The following DOCK6 variants were observed in gnomAD, a reference collection of about 807,000 sequenced individuals.
The protein encoded by DOCK6 is dedicator of cytokinesis protein 6.
A neutral mutation model predicts 230.3 loss-of-function variants in DOCK6; 167 were observed. That is an observed-to-expected ratio of 0.73 (90% CI 0.64 to 0.82). The LOEUF (loss-of-function observed/expected upper bound fraction) is 0.82, where lower values mean the gene tolerates loss of function less well. Among genes scored for constraint, DOCK6 ranks in the 40% least tolerant of loss-of-function variants. DOCK6 has a pLI of 0.00. For synonymous variants in DOCK6, 1,148 were observed against 1,185.0 expected (o/e 0.97, Z 0.64); for missense variants, 2,598 against 2,825.8 (o/e 0.92, Z 1.83).
chr19:11,202,649 C>T lies in DOCK6; in HGVS notation c.5296G>A (p.Glu1766Lys). The part of the protein sequence containing the change: ...FYGAHFGDLD[E>K]QEFVYKEPSI... ...GGCTCCTTGTACACAAACTCCTGCT[C>T]ATCCAGGTCACCGAAGTGGGCGCCG... is the stretch of plus-strand genomic sequence containing the variant. The change falls in exon 42 of 48, where the codon GAG becomes AAG. Residue 1766 changes from glutamate (E) to lysine (K), a missense_variant. Glu to Lys is a moderately conservative substitution (Grantham distance 56). Coordinates refer to ENST00000294618, the MANE Select transcript of DOCK6 (RefSeq NM_020812.4). The surrounding 1 kb of genome is among the most constrained non-coding windows in gnomAD (Gnocchi z 5.3). 1 of 1,614,014 alleles carries T rather than the reference C, an allele frequency of 6.2e-7. No homozygotes were observed. The highest frequency in any genetic ancestry group is 8.5e-7 in the Non-Finnish European group (1 of 1,179,894).
At chr19:11,235,050 C>A (rs938626610) in intron 21 of DOCK6, among the ~76,000 whole-genome samples, 6 of 151,712 alleles carry the variant, frequency 4.0e-5, no homozygotes, top group African/African-American at 7.3e-5. Flanking sequence ...TCAAGTGATT[C>A]TTCTGCCTCA....
chr19:11,217,315 G>C lies in DOCK6; in HGVS notation c.3627C>G (p.Thr1209=). The part of the protein sequence containing the change: ...DTEGEGDIAG[T]INPSVAMAIA... ...TGGCCATGGCCACAGAGGGGTTGAT[G>C]GTACCCGCAATGTCCCCTTCGCCTT... is the stretch of plus-strand genomic sequence containing the variant. The change falls in exon 29 of 48, where the codon ACC becomes ACG. Residue 1209 remains threonine, a synonymous_variant. Coordinates refer to ENST00000294618, the MANE Select transcript of DOCK6 (RefSeq NM_020812.4). 6.2e-7 allele frequency: 1 copy of C among 1,613,338 alleles called. No individual in the cohort carries two copies. Among genetic ancestry groups the C allele is most frequent in the Non-Finnish European group, 8.5e-7 (1 of 1,179,740 alleles).
At chr19:11,246,852 C>A (rs796798323) in intron 7 of DOCK6, among the ~76,000 whole-genome samples, 17 of 152,278 alleles carry the variant, frequency 1.1e-4, no homozygotes, top group African/African-American at 3.9e-4. Context: ...TCACCACGCA[C>A]CTCCAAACTG....
At chr19:11,241,387 G>A in intron 14 of DOCK6, 3 of 1,121,624 alleles carry the variant, frequency 2.7e-6, no homozygotes, top group East Asian at 5.2e-5. Context: ...GGGGCAGAGG[G>A]TCAGGGGATG....
Position 11,227,439 on chromosome 19 carries a change from T to C in DOCK6, c.2853A>G (p.Arg951=), listed in dbSNP as rs1457956374. The C allele has an allele frequency of 9.9e-6, 16 of 1,609,198 alleles. No individual in the cohort carries two copies. The highest frequency in any genetic ancestry group is 1.4e-5 in the Non-Finnish European group (16 of 1,178,038). The change falls in exon 24 of 48, where the codon CGA becomes CGG. Residue 951 remains arginine (R), a synonymous_variant. Coordinates refer to ENST00000294618, the MANE Select transcript of DOCK6 (RefSeq NM_020812.4). ...AGCGCAGCTTGCGGGGTGTGTCTAG[T>C]CGCTGGCCAAGCAGCAGGTGCAGCG... is the stretch of plus-strand genomic sequence containing the variant. ...SMALHLLLGQ[R]LDTPRKLRFP...
At position 11,217,056 on chromosome 19, in the gene DOCK6, C is replaced by T. The variant is rs200390354; in HGVS notation, c.3752G>A (p.Arg1251Gln). ...AGCALSAESS[R>Q]TLLACVLWVL... is the part of the protein sequence containing the mutation. The stretch of plus-strand genomic sequence containing the variant: ...CCACAGCACACACGCCAGCAAGGTC[C>T]GGCTTGACTCAGCAGAGAGGGCACA... Residue 1251 changes from arginine (R) to glutamine (Q), a missense_variant, in exon 30 of 48, where the codon CGG becomes CAG. Transcript: ENST00000294618. 681 of 1,613,430 alleles carry T rather than the reference C, an allele frequency of 4.2e-4. 2 individuals are homozygous for T. In the African/African-American group the frequency reaches 7.4e-3, roughly 17 times the overall value.
At chr19:11,242,983 G>A (rs761116845) in intron 13 of DOCK6, 76 bp downstream of exon 13, 16 of 1,545,250 alleles carry the variant, frequency 1.0e-5, no homozygotes, top group Non-Finnish European at 1.4e-5. Flanking sequence ...CCCTGGCACA[G>A]TAGGTGCTCT....
At chr19:11,212,470 G>A (rs2079404794) in intron 35 of DOCK6, among the ~76,000 whole-genome samples, 1 of 151,978 alleles carries the variant, frequency 6.6e-6, no homozygotes. Flanking sequence ...TCGAACTCCT[G>A]AACTCAAGTG....
chr19:11,257,722 G>A (rs937405347), intron 1 of DOCK6, among the ~76,000 whole-genome samples: 1 of 151,938 alleles, frequency 6.6e-6, no homozygotes, highest in African/African-American at 2.4e-5. Context: ...CCGGGAGGTG[G>A]AGGTTGCAGT....
chr19:11,215,188 C>T (rs964745931), intron 32 of DOCK6, among the ~76,000 whole-genome samples, 199 bp downstream of exon 32: 1 of 151,826 alleles, frequency 6.6e-6, no homozygotes, highest in African/African-American at 2.4e-5. Context: ...TGTGATCCGC[C>T]TGCCTCGGCC....
rs565684628 is a variant in DOCK6 at position 11,222,343 on chromosome 19, G to A, written c.3241-95C>T. On this transcript the variant is annotated intron_variant, in intron 26 of 47. Transcript: ENST00000294618. The surrounding 1 kb of genome is among the most constrained non-coding windows in gnomAD (Gnocchi z 4.0). ...CATCTTGGAGGTGACAGAAATCATG[G>A]TGCCAATAGCCACAGATGAAAGACT... The A allele has an allele frequency of 1.2e-5, 18 of 1,469,954 alleles. No homozygotes were observed. The East Asian group carries it at 1.7e-4, about 14-fold the overall frequency. 91.1% of individuals were successfully genotyped at this position (1,469,954 alleles called of 1,614,324 possible). A position where few individuals can be genotyped will look rare whatever the true frequency, so the allele number is the denominator to read the frequency against.
rs751675629 is a variant in DOCK6 at position 11,217,335 on chromosome 19, C to A, written c.3607G>T (p.Glu1203Ter). 6.2e-7 allele frequency: 1 copy of A among 1,613,496 alleles called. No homozygotes were observed. Among genetic ancestry groups the A allele is most frequent in the Non-Finnish European group, 8.5e-7 (1 of 1,179,736 alleles). The change falls in exon 29 of 48, where the codon GAA (glutamate) becomes TAA (stop). Residue 1203 changes from glutamate (E) to a stop codon, truncating the protein, a stop_gained. Coordinates refer to ENST00000294618, the MANE Select transcript of DOCK6 (RefSeq NM_020812.4). LOFTEE classifies it high-confidence loss of function. ...ASMLDSDTEGEGDIAGTINPS... is the reference protein window; with the variant it reads ...ASMLDSDTEG ...TTGATGGTACCCGCAATGTCCCCTT[C>A]GCCTTCTGTGTCTGAGTCAAGCATT... is the stretch of plus-strand genomic sequence containing the variant.
chr19:11,210,823 A>C (rs542481389), intron 37 of DOCK6, among the ~76,000 whole-genome samples: 1 of 144,858 alleles, frequency 6.9e-6, no homozygotes, highest in South Asian at 2.2e-4. Flanking sequence ...TCATCTTCTC[A>C]TCTGGCCATC....
chr19:11,230,043 C>CAAAA (rs74180012), intron 22 of DOCK6, among the ~76,000 whole-genome samples: 5 of 46,426 alleles, frequency 1.1e-4, no homozygotes, highest in South Asian at 8.1e-4. Context: ...GACTCCATCT[C>CAAAA]AAAAAAAAAA....
chr19:11,224,785 C>A (rs978213905), intron 24 of DOCK6, among the ~76,000 whole-genome samples: 4 of 152,136 alleles, frequency 2.6e-5, no homozygotes, highest in Non-Finnish European at 5.9e-5. Context: ...TGCAACCCGG[C>A]CAGGCATGGT....
chr19:11,229,598 T>C (rs1250408108), intron 22 of DOCK6, among the ~76,000 whole-genome samples: 1 of 150,884 alleles, frequency 6.6e-6, no homozygotes, highest in Admixed American at 6.6e-5. Flanking sequence ...CCGGCGTGGG[T>C]TGGGAGGGGA....
At chr19:11,246,573 GT>G (rs768229605) in intron 7 of DOCK6, among the ~76,000 whole-genome samples, 31 of 151,910 alleles carry the variant, frequency 2.0e-4, no homozygotes, top group African/African-American at 5.6e-4. Flanking sequence ...CGACACTGAA[GT>G]TTTTTTCCCC....
rs1289652204 is a variant in DOCK6, at chr19:11,236,574, G to C, written c.2164C>G (p.Pro722Ala). 1.3e-6 allele frequency: 2 copies of C among 1,583,722 alleles called. No individual in the cohort carries two copies. Among genetic ancestry groups the C allele is most frequent in the South Asian group, 2.3e-5 (2 of 86,472 alleles). Residue 722 changes from proline (P) to alanine (A), a missense_variant, in exon 20 of 48, where the codon CCC becomes GCC. Physicochemically the swap from Pro to Ala is conservative, Grantham distance 27 (BLOSUM62 -1). Transcript: ENST00000294618. The surrounding 1 kb of genome is among the most constrained non-coding windows in gnomAD (Gnocchi z 5.2). ...TAVSSVHPQD[P>A]YLDKFFTLVH... is the part of the protein sequence containing the mutation. Reference sequence around the variant, plus strand: ...AGGGTGAAGAATTTGTCCAGGTAGGGGTCCTGGGTAGGGATGTGGAGTGAG... The same window carrying C: ...AGGGTGAAGAATTTGTCCAGGTAGGCGTCCTGGGTAGGGATGTGGAGTGAG...
intron 28 of DOCK6, chr19:11,221,134 AATT>A (rs1170279347): frequency 1.3e-5 from 2 of 152,234 alleles, no homozygotes; most frequent in Non-Finnish European, 2.9e-5. Flanking sequence ...TAATATCTGA[AATT>A]AAGAACTCAA....
Sources: allele counts gnomAD v4.1 joint callset (sites outside exome capture counted in the v4.1 genomes callset), GRCh38; gene constraint gnomAD v4.1.1; non-coding constraint Gnocchi (gnomAD v3.1); transcripts MANE v1.5; gene names NCBI Gene and HGNC (gene_info 2026-07-23, HGNC 2026-07-21).